The following NRG3 variants were observed in gnomAD, a reference collection of about 807,000 sequenced individuals.
The protein encoded by NRG3 is neuregulin 3.
Under a neutral mutation model 66.9 loss-of-function variants are expected in NRG3, and 31 were observed. That is an observed-to-expected ratio of 0.46 (90% CI 0.35 to 0.63). NRG3 has a LOEUF of 0.63. NRG3 is among the 20% of genes least tolerant of loss of function. The pLI is 0.00. For missense variants in NRG3, 910 were observed against 878.9 expected (o/e 1.04, Z -0.45); for synonymous variants, 393 against 359.4 (o/e 1.09, Z -1.06).
chr10:82,197,836 C>T (rs915539494), intron 1 of NRG3, among the ~76,000 whole-genome samples: 1 of 152,100 alleles, frequency 6.6e-6, no homozygotes, highest in Non-Finnish European at 1.5e-5. Context: ...AAATTTGTCT[C>T]TATTTTCTTA....
intron 3 of NRG3, among the ~76,000 whole-genome samples, chr10:82,796,203 T>G (rs1428334138): frequency 3.9e-5 from 6 of 152,184 alleles, no homozygotes; most frequent in Non-Finnish European, 1.5e-5. Context: ...AGTATCAATT[T>G]TACTCAGTAC....
At chr10:82,304,756 C>A (rs1290543519) in intron 1 of NRG3, among the ~76,000 whole-genome samples, 1 of 152,074 alleles carries the variant, frequency 6.6e-6, no homozygotes, top group Non-Finnish European at 1.5e-5. Context: ...TACCTTAAAA[C>A]CAACTGATCA....
chr10:82,815,068 A>G (rs1048376146), intron 3 of NRG3, among the ~76,000 whole-genome samples: 2 of 152,234 alleles, frequency 1.3e-5, no homozygotes, highest in South Asian at 4.1e-4. Context: ...CATTGCGGTC[A>G]TCGCCGTCCT....
intron 2 of NRG3, among the ~76,000 whole-genome samples, chr10:82,624,461 C>G (rs536935814): frequency 6.6e-6 from 1 of 152,124 alleles, no homozygotes; most frequent in Admixed American, 6.6e-5. Context: ...TCTAATGATT[C>G]CTATCTTTAA....
At chr10:82,809,618 C>G (rs1023941872) in intron 3 of NRG3, among the ~76,000 whole-genome samples, 1 of 151,964 alleles carries the variant, frequency 6.6e-6, no homozygotes, top group Non-Finnish European at 1.5e-5. Context: ...AGAAATTCAA[C>G]CTTATGTTTG....
At chr10:82,649,746 G>A (rs1041182440) in intron 2 of NRG3, among the ~76,000 whole-genome samples, 19 of 151,858 alleles carry the variant, frequency 1.3e-4, no homozygotes, top group South Asian at 1.0e-3. Context: ...GAGCCACTGC[G>A]CCTGGCTGGT....
intron 1 of NRG3, among the ~76,000 whole-genome samples, chr10:82,297,760 A>G (rs1027001874): frequency 3.3e-5 from 5 of 152,182 alleles, no homozygotes; most frequent in Non-Finnish European, 5.9e-5. Context: ...TATATAAGGC[A>G]TATGTGCTAT....
At chr10:82,956,904 A>T (rs1417633613) in intron 5 of NRG3, among the ~76,000 whole-genome samples, 1 of 152,044 alleles carries the variant, frequency 6.6e-6, no homozygotes, top group Non-Finnish European at 1.5e-5. Flanking sequence ...AAAGCAACTA[A>T]GAGTGCTAGA....
chr10:82,768,227 G>A (rs994120317), intron 3 of NRG3, among the ~76,000 whole-genome samples: 2 of 152,064 alleles, frequency 1.3e-5, no homozygotes, highest in African/African-American at 4.8e-5. Context: ...ACTTTCACGT[G>A]TACTAGGCAC....
At chr10:82,329,994 A>G (rs555773423) in intron 1 of NRG3, among the ~76,000 whole-genome samples, 1 of 152,274 alleles carries the variant, frequency 6.6e-6, no homozygotes, top group Non-Finnish European at 1.5e-5. Flanking sequence ...CTTAGTGTGC[A>G]TTGATTCTCT....
chr10:82,395,266 C>T (rs191553083), intron 2 of NRG3, among the ~76,000 whole-genome samples: 2 of 152,122 alleles, frequency 1.3e-5, no homozygotes, highest in South Asian at 2.1e-4. Flanking sequence ...GCTTGTTGCA[C>T]GTTATTGTGG....
At chr10:82,745,979 C>G (rs2058626867) in intron 3 of NRG3, among the ~76,000 whole-genome samples, 1 of 152,168 alleles carries the variant, frequency 6.6e-6, no homozygotes, top group Non-Finnish European at 1.5e-5. Flanking sequence ...GCAGCCTCAA[C>G]TTTCTGGGCT....
chr10:82,953,299 T>C (rs1402596971), intron 5 of NRG3, among the ~76,000 whole-genome samples: 1 of 152,016 alleles, frequency 6.6e-6, no homozygotes, highest in African/African-American at 2.4e-5. Context: ...TTTTAAAATG[T>C]TTATTTTTCA....
chr10:82,470,193 T>C (rs1841116145), intron 2 of NRG3, among the ~76,000 whole-genome samples: 1 of 152,214 alleles, frequency 6.6e-6, no homozygotes, highest in African/African-American at 2.4e-5. Flanking sequence ...AACAGATCTC[T>C]ATTTATTGGG....
intron 1 of NRG3, among the ~76,000 whole-genome samples, chr10:82,213,867 G>A (rs2075526005): frequency 1.3e-5 from 2 of 152,132 alleles, no homozygotes; most frequent in Non-Finnish European, 2.9e-5. Context: ...TAGGAATCTG[G>A]AGGTAAGTAG....
At chr10:82,656,308 C>CTTTTTTTTTTTTTTTTTTTT (rs3040205) in intron 2 of NRG3, among the ~76,000 whole-genome samples, 11 of 132,024 alleles carry the variant, frequency 8.3e-5, no homozygotes, top group East Asian at 2.2e-4. Flanking sequence ...TTTCTTTTTT[C>CTTTTTTTTTTTTTTTTTTTT]TTTTTTTTTT....
intron 1 of NRG3, among the ~76,000 whole-genome samples, chr10:82,244,453 C>T (rs2077144938): frequency 6.6e-6 from 1 of 152,046 alleles, no homozygotes; most frequent in African/African-American, 2.4e-5. Context: ...GGTAGTTGAC[C>T]TCATCTTTTT....
At chr10:82,422,796 G>A (rs1288513932) in intron 2 of NRG3, among the ~76,000 whole-genome samples, 2 of 151,944 alleles carry the variant, frequency 1.3e-5, no homozygotes, top group African/African-American at 4.8e-5. Flanking sequence ...TTATGCCTGG[G>A]TAACAGTTGT....
intron 2 of NRG3, among the ~76,000 whole-genome samples, chr10:82,531,974 C>A (rs1427815145): frequency 1.3e-5 from 2 of 151,750 alleles, no homozygotes; most frequent in African/African-American, 4.8e-5. Context: ...CACTATTTCA[C>A]AATTCAATTC....
Sources: allele counts gnomAD v4.1 joint callset (sites outside exome capture counted in the v4.1 genomes callset), GRCh38; gene constraint gnomAD v4.1.1; transcripts MANE v1.5; gene names NCBI Gene and HGNC (gene_info 2026-07-23, HGNC 2026-07-21).